Variants in NAALADL2 observed in about 807,000 individuals in gnomAD.
NAALADL2 encodes inactive N-acetylated-alpha-linked acidic dipeptidase-like protein 2.
NAALADL2 carries 76 observed loss-of-function variants against 87.2 expected under a neutral mutation model. That is an observed-to-expected ratio of 0.87 (90% confidence interval 0.72 to 1.05). The LOEUF (loss-of-function observed/expected upper bound fraction) is 1.05, where lower values mean the gene tolerates loss of function less well. Ranked by LOEUF, NAALADL2 falls within the 50% of genes least tolerant of loss-of-function variation. The pLI, the probability that NAALADL2 is intolerant of heterozygous loss-of-function variation, is 0.00. For synonymous variants in NAALADL2, 354 were observed against 331.0 expected (o/e 1.07, Z -0.75); for missense variants, 1,089 against 945.8 (o/e 1.15, Z -1.99).
chr3:175,002,639 A>G (rs1012090912), intron 1 of NAALADL2, among the ~76,000 whole-genome samples: 4 of 152,208 alleles, frequency 2.6e-5, no homozygotes, highest in Admixed American at 6.5e-5. Context: ...AGCATTACAT[A>G]TTTAAAGATT....
At chr3:175,045,970 C>T (rs756008514) in intron 1 of NAALADL2, among the ~76,000 whole-genome samples, 1 of 148,772 alleles carries the variant, frequency 6.7e-6, no homozygotes, top group Admixed American at 6.6e-5. Flanking sequence ...ATAAGAGACA[C>T]TCAACAAGAA....
intron 13 of NAALADL2, among the ~76,000 whole-genome samples, chr3:175,757,043 T>C (rs1747362803): frequency 6.6e-6 from 1 of 151,704 alleles, no homozygotes; most frequent in Admixed American, 6.6e-5. Flanking sequence ...TATGTATGTA[T>C]GTATAATTTT....
At chr3:174,659,725 T>A (rs999067729) in intron 2 of NAALADL2, among the ~76,000 whole-genome samples, 1 of 152,162 alleles carries the variant, frequency 6.6e-6, no homozygotes, top group African/African-American at 2.4e-5. Context: ...CCTACTTCCC[T>A]GGGGCTATGT....
chr3:175,493,895 A>T (rs1728453219), intron 9 of NAALADL2, among the ~76,000 whole-genome samples: 3 of 152,120 alleles, frequency 2.0e-5, no homozygotes, highest in Admixed American at 2.0e-4. Flanking sequence ...TTTCCCTAGG[A>T]GCTGGGAAGC....
At chr3:174,924,143 T>C (rs1016656794) in intron 1 of NAALADL2, among the ~76,000 whole-genome samples, 1 of 152,006 alleles carries the variant, frequency 6.6e-6, no homozygotes, top group Non-Finnish European at 1.5e-5. Flanking sequence ...ACGTGTACCA[T>C]GTTGGTGTGC....
rs1018925186 is a variant in NAALADL2, at chr3:174,720,710, C to T, written c.-114-16931C>T. On this transcript the variant is annotated intron_variant, in intron 2 of 3. Coordinates refer to the NAALADL2 transcript ENST00000434257. The stretch of plus-strand genomic sequence containing the variant: ...GAATGCAGATGGGACAGCTGTTGTT[C>T]CTTAATTGTGAGTAGATTAATAAAA... Among the ~76,000 whole-genome samples, 4 of 152,076 alleles carry T rather than the reference C, an allele frequency of 2.6e-5. No individual in the cohort carries two copies. The South Asian group carries it at 8.3e-4, about 31-fold the overall frequency.
chr3:174,738,994 T>C (rs1733495060), intron 3 of NAALADL2, among the ~76,000 whole-genome samples: 1 of 152,188 alleles, frequency 6.6e-6, no homozygotes, highest in Non-Finnish European at 1.5e-5. Context: ...AGCCTGTAAA[T>C]TACTGATTAG....
chr3:175,478,821 G>C (rs1726067984), intron 9 of NAALADL2, among the ~76,000 whole-genome samples: 1 of 151,786 alleles, frequency 6.6e-6, no homozygotes. Context: ...TATCATTAAT[G>C]CAGTACAGTA....
chr3:174,711,892 T>C (rs1046718096), intron 2 of NAALADL2, among the ~76,000 whole-genome samples: 21 of 152,278 alleles, frequency 1.4e-4, no homozygotes, highest in Admixed American at 1.2e-3. Flanking sequence ...CTCTGCCTCC[T>C]GGGTTCAAGA....
chr3:174,616,314 G>A (rs1404005894), intron 2 of NAALADL2, among the ~76,000 whole-genome samples: 1 of 151,850 alleles, frequency 6.6e-6, no homozygotes, highest in African/African-American at 2.4e-5. Context: ...ATAAATAGAA[G>A]GTACTAGAAG....
chr3:174,451,843 GTTTTTTT>G (rs764587503), intron 1 of NAALADL2, among the ~76,000 whole-genome samples: 8 of 98,094 alleles, frequency 8.2e-5, no homozygotes, highest in Non-Finnish European at 1.3e-4. Flanking sequence ...GATAGTGGGA[GTTTTTTT>G]TTTTTTTTTT....
intron 1 of NAALADL2, among the ~76,000 whole-genome samples, chr3:174,870,562 T>C (rs1354477055): frequency 6.6e-6 from 1 of 151,478 alleles, no homozygotes; most frequent in African/African-American, 2.4e-5. Context: ...TGTCATTATC[T>C]TGTTATTATT....
At chr3:174,789,720 A>C (rs150576164) in intron 3 of NAALADL2, among the ~76,000 whole-genome samples, 1 of 152,248 alleles carries the variant, frequency 6.6e-6, no homozygotes, top group East Asian at 1.9e-4. Context: ...AGCAGCTAAT[A>C]TCATAGCAAC....
chr3:174,996,746 T>G (rs1407477293), intron 1 of NAALADL2, among the ~76,000 whole-genome samples: 1 of 152,076 alleles, frequency 6.6e-6, no homozygotes, highest in Non-Finnish European at 1.5e-5. Flanking sequence ...ACCCAAGAAG[T>G]GCACACTGTA....
intron 2 of NAALADL2, among the ~76,000 whole-genome samples, chr3:174,685,772 T>G (rs111391473): frequency 0.072 from 11,017 of 152,126 alleles, 1,086 homozygotes; most frequent in African/African-American, 0.23. Flanking sequence ...ATCACCCATG[T>G]GTTAAGCCTA....
intron 1 of NAALADL2, among the ~76,000 whole-genome samples, chr3:174,952,203 C>T (rs1740470818): frequency 6.6e-6 from 1 of 152,132 alleles, no homozygotes; most frequent in Non-Finnish European, 1.5e-5. Flanking sequence ...TATCATATTA[C>T]ATTGCACTAA....
chr3:175,667,357 T>C (rs1733335472), intron 11 of NAALADL2, among the ~76,000 whole-genome samples: 1 of 152,142 alleles, frequency 6.6e-6, no homozygotes, highest in African/African-American at 2.4e-5. Context: ...GCTCAGATAT[T>C]GCAGAGGATG....
At chr3:175,036,801 G>GTTCT (rs1485357451) in intron 1 of NAALADL2, among the ~76,000 whole-genome samples, 3 of 98,424 alleles carry the variant, frequency 3.0e-5, no homozygotes, top group Non-Finnish European at 6.0e-5. Context: ...TTTTCCATCT[G>GTTCT]TTCTTTTTTT....
chr3:175,053,528 C>T (rs1366212811), intron 1 of NAALADL2, among the ~76,000 whole-genome samples: 1 of 152,178 alleles, frequency 6.6e-6, no homozygotes, highest in African/African-American at 2.4e-5. Flanking sequence ...CAGCATCTGG[C>T]TCATGATAAG....
Sources: allele counts gnomAD v4.1 joint callset (sites outside exome capture counted in the v4.1 genomes callset), GRCh38; gene constraint gnomAD v4.1.1; transcripts MANE v1.5; gene names NCBI Gene and HGNC (gene_info 2026-07-23, HGNC 2026-07-21).